Variants in MSH3 observed in about 807,000 individuals in gnomAD.
MSH3 encodes DNA mismatch repair protein Msh3.
MSH3 carries 106 observed loss-of-function variants against 123.3 expected under a neutral mutation model. The observed-to-expected ratio is 0.86, with a 90% CI of 0.73 to 1.01. The LOEUF is 1.01. MSH3 is among the 50% of genes least tolerant of loss of function. The pLI, the probability that MSH3 is intolerant of heterozygous loss-of-function variation, is 0.00. For synonymous variants in MSH3, 515 were observed against 481.4 expected, an observed-to-expected ratio of 1.07 and a Z score of -0.91; for missense variants, 1,459 against 1,347.6, an observed-to-expected ratio of 1.08 and a Z score of -1.29.
At chr5:80,778,210 C>T (rs1744339114) in intron 16 of MSH3, among the ~76,000 whole-genome samples, 1 of 152,210 alleles carries the variant, frequency 6.6e-6, no homozygotes, top group Admixed American at 6.5e-5. Flanking sequence ...CTGCACAGAT[C>T]ACAGTATCCT....
chr5:80,854,595 G>A (rs555198488), intron 21 of MSH3, among the ~76,000 whole-genome samples: 2 of 152,138 alleles, frequency 1.3e-5, no homozygotes, highest in Non-Finnish European at 2.9e-5. Context: ...ATACCCTTTT[G>A]TACATGGATG....
chr5:80,801,833 C>T (rs1744795279), intron 19 of MSH3, among the ~76,000 whole-genome samples: 1 of 152,170 alleles, frequency 6.6e-6, no homozygotes, highest in South Asian at 2.1e-4. Context: ...GAAACTGAAG[C>T]CTAGAGAGGT....
At chr5:80,829,442 T>C (rs1745380953) in intron 20 of MSH3, among the ~76,000 whole-genome samples, 1 of 152,204 alleles carries the variant, frequency 6.6e-6, no homozygotes, top group African/African-American at 2.4e-5. Context: ...GTTTTTATCA[T>C]GAATGGGTGT....
chr5:80,873,837 T>G (rs1387535748), intron 23 of MSH3, among the ~76,000 whole-genome samples: 1 of 152,246 alleles, frequency 6.6e-6, no homozygotes. Flanking sequence ...GCTATCCAGC[T>G]AGTATGTAGT....
At chr5:80,702,112 C>G (rs775985474) in intron 8 of MSH3, among the ~76,000 whole-genome samples, 20 of 152,084 alleles carry the variant, frequency 1.3e-4, no homozygotes, top group Non-Finnish European at 2.6e-4. Flanking sequence ...ACTTAATATA[C>G]ACAATACTGA....
At chr5:80,658,050 T>TTTTTTTTTTTTTGG (rs1580541891) in intron 2 of MSH3, among the ~76,000 whole-genome samples, 2 of 149,266 alleles carry the variant, frequency 1.3e-5, no homozygotes, top group South Asian at 2.1e-4. Flanking sequence ...TTTTTTTTTT[T>TTTTTTTTTTTTTGG]GAGATAGGGT....
At chr5:80,674,013 GT>G (rs1383152229) in intron 6 of MSH3, among the ~76,000 whole-genome samples, 1 of 152,178 alleles carries the variant, frequency 6.6e-6, no homozygotes, top group African/African-American at 2.4e-5. Flanking sequence ...TCTAAGGACT[GT>G]TTTGTTCCAT....
intron 20 of MSH3, among the ~76,000 whole-genome samples, chr5:80,819,400 A>G (rs62368289): frequency 8.7e-5 from 11 of 125,752 alleles, no homozygotes; most frequent in Non-Finnish European, 1.9e-4. Context: ...ATATATGTGT[A>G]TATATGTGTG....
chr5:80,681,583 T>C (rs904221301), intron 8 of MSH3, among the ~76,000 whole-genome samples: 2 of 151,776 alleles, frequency 1.3e-5, no homozygotes, highest in South Asian at 2.1e-4. Context: ...GGATAAATTA[T>C]GATTTCCTGT....
chr5:80,871,341 C>T (rs1413174066), intron 22 of MSH3, among the ~76,000 whole-genome samples: 1 of 152,168 alleles, frequency 6.6e-6, no homozygotes, highest in African/African-American at 2.4e-5. Flanking sequence ...CGGCTTAGAA[C>T]AACAAACATT....
At chr5:80,847,720 T>A (rs2112098882) in intron 20 of MSH3, among the ~76,000 whole-genome samples, 2 of 152,352 alleles carry the variant, frequency 1.3e-5, no homozygotes, top group Non-Finnish European at 2.9e-5. Flanking sequence ...CCTTCCCATA[T>A]GAAGGTGCAT....
intron 10 of MSH3, among the ~76,000 whole-genome samples, chr5:80,730,256 A>G (rs1743387042): frequency 6.6e-6 from 1 of 152,216 alleles, no homozygotes; most frequent in Admixed American, 6.5e-5. Context: ...TTAAGCCAAA[A>G]ATAAAGTTGC....
At chr5:80,683,528 T>C (rs536727784) in intron 8 of MSH3, among the ~76,000 whole-genome samples, 1 of 152,166 alleles carries the variant, frequency 6.6e-6, no homozygotes, top group Non-Finnish European at 1.5e-5. Context: ...TCTATTCAAT[T>C]TGTCTATTTT....
At position 80,755,438 on chromosome 5, in the gene MSH3, C is replaced by G. The variant is rs6151765; in HGVS notation, c.1764-6108C>G. Among the ~76,000 whole-genome samples the G allele has an allele frequency of 6.5e-3, 982 of 152,214 alleles. 9 individuals are homozygous for G. Among genetic ancestry groups the G allele is most frequent in the African/African-American group, 0.021 (879 of 41,536 alleles). On this transcript the variant is annotated intron_variant, in intron 12 of 23. Coordinates refer to ENST00000265081, the MANE Select transcript of MSH3 (RefSeq NM_002439.5). ...TAAATATCTTTCCTTTTTGGCCCTT[C>G]CTGCTTTATCTTTCTCCATCTTTAT...
At chr5:80,734,835 A>C (rs1743475586) in intron 10 of MSH3, among the ~76,000 whole-genome samples, 1 of 152,038 alleles carries the variant, frequency 6.6e-6, no homozygotes, top group Admixed American at 6.5e-5. Flanking sequence ...TGCGCCCACC[A>C]AAGAGGCAGT....
chr5:80,875,664 G>A (rs1279265054), intron 23 of MSH3, 87 bp from the exon 24 acceptor site: 1 of 787,420 alleles, frequency 1.3e-6, no homozygotes, highest in African/African-American at 1.7e-5. Flanking sequence ...GTATTCAAGT[G>A]TTATAGACTT....
intron 20 of MSH3, among the ~76,000 whole-genome samples, chr5:80,842,217 A>T (rs1055909686): frequency 6.6e-6 from 1 of 152,024 alleles, no homozygotes; most frequent in South Asian, 2.1e-4. Flanking sequence ...ATGGTTGTAG[A>T]TGTGTGATGT....
intron 12 of MSH3, among the ~76,000 whole-genome samples, chr5:80,751,359 ACAC>A (rs1252861003): frequency 6.6e-6 from 1 of 152,182 alleles, no homozygotes; most frequent in Non-Finnish European, 1.5e-5. Flanking sequence ...CTCGGAATAA[ACAC>A]CACACATCTA....
At chr5:80,751,823 A>G (rs973758477) in intron 12 of MSH3, among the ~76,000 whole-genome samples, 1 of 152,182 alleles carries the variant, frequency 6.6e-6, no homozygotes, top group African/African-American at 2.4e-5. Context: ...AATTCAACCC[A>G]AAACAAATAG....
Sources: gnomAD v4.1 joint callset for allele counts (sites outside exome capture counted in the v4.1 genomes callset) on GRCh38, gnomAD v4.1.1 for gene constraint, MANE v1.5 for transcripts, NCBI Gene and HGNC (gene_info 2026-07-23, HGNC 2026-07-21) for gene names.